Variants in HMGN3 observed in about 807,000 individuals in gnomAD.
HMGN3 encodes high mobility group nucleosome-binding domain-containing protein 3.
HMGN3 carries 6 observed loss-of-function variants against 18.8 expected under a neutral mutation model. That is an observed-to-expected ratio of 0.32 (90% CI 0.18 to 0.63). The LOEUF is 0.63. Among genes scored for constraint, HMGN3 ranks in the 30% least tolerant of loss-of-function variants. The pLI is 0.79. For synonymous variants in HMGN3, 40 were observed against 36.5 expected, an observed-to-expected ratio of 1.10 and a Z score of -0.35; for missense variants, 107 against 114.2, an observed-to-expected ratio of 0.94 and a Z score of 0.29.
At chr6:79,203,452 G>T in intron 4 of HMGN3, 128 bp downstream of exon 4, 2 of 827,144 alleles carry the variant, frequency 2.4e-6, no homozygotes, top group Non-Finnish European at 4.0e-6. Context: ...CTTTAAGCAA[G>T]CCCGTAACAG....
chr6:79,220,457 G>A (rs1777217151), intron 1 of HMGN3, among the ~76,000 whole-genome samples: 1 of 151,944 alleles, frequency 6.6e-6, no homozygotes, highest in Admixed American at 6.6e-5. Context: ...TGCCTTTTTT[G>A]TTTTTTTGAG....
intron 2 of HMGN3, among the ~76,000 whole-genome samples, chr6:79,214,525 T>C (rs1776872016): frequency 6.6e-6 from 1 of 152,150 alleles, no homozygotes; most frequent in African/African-American, 2.4e-5. Flanking sequence ...TTAGAGATGA[T>C]CCTTCTCAGG....
intron 2 of HMGN3, among the ~76,000 whole-genome samples, chr6:79,211,465 G>GTTTTTTTTTTTTTTTTT (rs58861121): frequency 1.5e-5 from 2 of 135,364 alleles, no homozygotes; most frequent in Non-Finnish European, 1.6e-5. Context: ...AATTTCTCTT[G>GTTTTTTTTTTTTTTTTT]TTTTTTTTTT....
chr6:79,208,511 T>C, intron 3 of HMGN3, 36 bp downstream of exon 3: 2 of 1,552,612 alleles, frequency 1.3e-6, no homozygotes, highest in Middle Eastern at 3.4e-4. Context: ...CATGTACTCA[T>C]AAGAACTAAC....
intron 1 of HMGN3, chr6:79,233,833 G>A (rs1201021242): frequency 6.6e-6 from 1 of 152,398 alleles, no homozygotes; most frequent in African/African-American, 2.4e-5. Context: ...GGGAGGACCT[G>A]GTGGCCCCCT....
At chr6:79,204,040 A>C (rs368738112) in intron 3 of HMGN3, among the ~76,000 whole-genome samples, 8 of 152,344 alleles carry the variant, frequency 5.3e-5, no homozygotes, top group East Asian at 3.9e-4. Flanking sequence ...ATCACAGCAC[A>C]ATCACTAGCA....
chr6:79,226,313 G>A lies in HMGN3; in HGVS notation c.15+8233C>T, dbSNP rs1235522050. ...AGCCATTCCTTATCACAGGTGCTGT[G>A]GGGAAGTCTGTTAACCTCTTGGTGC... is the stretch of plus-strand genomic sequence containing the variant. On this transcript the variant is annotated intron_variant, in intron 1 of 5. Transcript: ENST00000344726. Among the ~76,000 whole-genome samples the A allele has an allele frequency of 2.0e-5, 3 of 152,270 alleles. No individual in the cohort carries two copies. In the East Asian group the frequency reaches 5.8e-4, roughly 29 times the overall value.
chr6:79,234,372 G>GATCTC, intron 1 of HMGN3, 174 bp downstream of exon 1: 1 of 506,772 alleles, frequency 2.0e-6, no homozygotes, highest in Non-Finnish European at 3.5e-6. Context: ...GGAGTGGGTA[G>GATCTC]GGGGGACAGA....
chr6:79,234,036 TA>T (rs1778011698), intron 1 of HMGN3: 1 of 153,664 alleles, frequency 6.5e-6, no homozygotes, highest in Non-Finnish European at 1.4e-5. Context: ...AGCGCTATTT[TA>T]AACATGGCTT....
chr6:79,224,995 T>C (rs1175725717), intron 1 of HMGN3, among the ~76,000 whole-genome samples: 1 of 152,210 alleles, frequency 6.6e-6, no homozygotes, highest in African/African-American at 2.4e-5. Context: ...AGGGGTAAAG[T>C]AAAGCAATGA....
intron 1 of HMGN3, among the ~76,000 whole-genome samples, chr6:79,218,699 C>T (rs1471719785): frequency 2.0e-5 from 3 of 152,116 alleles, no homozygotes; most frequent in African/African-American, 7.2e-5. Flanking sequence ...CTGGGAAAGA[C>T]AAAGTCATTG....
chr6:79,212,295 T>C (rs1384591703), intron 2 of HMGN3, among the ~76,000 whole-genome samples: 2 of 152,202 alleles, frequency 1.3e-5, no homozygotes, highest in Non-Finnish European at 2.9e-5. Context: ...TCTGAGAACT[T>C]TGCTCTAGTT....
At chr6:79,216,432 G>A (rs1776986548) in intron 1 of HMGN3, among the ~76,000 whole-genome samples, 1 of 152,072 alleles carries the variant, frequency 6.6e-6, no homozygotes, top group African/African-American at 2.4e-5. Context: ...GCAAAACAAA[G>A]GTCCTAAGTA....
At chr6:79,225,633 T>G (rs1164806520) in intron 1 of HMGN3, among the ~76,000 whole-genome samples, 1 of 152,218 alleles carries the variant, frequency 6.6e-6, no homozygotes, top group African/African-American at 2.4e-5. Flanking sequence ...AGCAAATTGA[T>G]GAAGACAATG....
intron 3 of HMGN3, 102 bp from the exon 4 acceptor site, chr6:79,203,732 C>T (rs1378930560): frequency 2.3e-6 from 2 of 887,952 alleles, no homozygotes; most frequent in East Asian, 5.0e-5. Flanking sequence ...TCCATTTTGA[C>T]ATGGCTTTGG....
intron 2 of HMGN3, among the ~76,000 whole-genome samples, chr6:79,210,775 C>A (rs1776646357): frequency 6.6e-6 from 1 of 152,016 alleles, no homozygotes; most frequent in Non-Finnish European, 1.5e-5. Context: ...TGAAGTGAGG[C>A]AAAATCATGT....
At chr6:79,210,639 G>A (rs1405147114) in intron 2 of HMGN3, among the ~76,000 whole-genome samples, 1 of 152,118 alleles carries the variant, frequency 6.6e-6, no homozygotes, top group Non-Finnish European at 1.5e-5. Flanking sequence ...GTAGGGAGGG[G>A]AAGAAGTCCT....
At chr6:79,234,598 A>G (rs774222206) in exon 1 of HMGN3, 1 of 1,608,346 alleles carries the variant, frequency 6.2e-7, no homozygotes, top group South Asian at 1.1e-5. Flanking sequence ...AAAGCAACGG[A>G]CTGGAACTGC....
At chr6:79,215,948 GA>G (rs1002631548) in intron 1 of HMGN3, among the ~76,000 whole-genome samples, 6 of 152,050 alleles carry the variant, frequency 3.9e-5, no homozygotes, top group African/African-American at 1.4e-4. Flanking sequence ...GCTCCTGTTA[GA>G]AAAAAATACA....
Sources: gnomAD v4.1 joint callset for allele counts (sites outside exome capture counted in the v4.1 genomes callset) on GRCh38, gnomAD v4.1.1 for gene constraint, MANE v1.5 for transcripts, NCBI Gene and HGNC (gene_info 2026-07-23, HGNC 2026-07-21) for gene names.